Variants in MAGI2 observed in about 807,000 individuals in gnomAD.
MAGI2 encodes the protein membrane associated guanylate kinase, WW and PDZ domain containing 2.
In MAGI2, 35 loss-of-function variants were observed where a neutral mutation model predicts 133.3. The ratio of observed to expected loss-of-function variants is 0.26; its 90% confidence interval spans 0.20 to 0.35. The LOEUF (loss-of-function observed/expected upper bound fraction) is 0.35, where lower values mean the gene tolerates loss of function less well. MAGI2 is among the 10% of genes least tolerant of loss of function. The probability of loss-of-function intolerance (pLI) is 1.00; values close to 1 mark genes in which losing one functional copy is unlikely to be tolerated. For synonymous variants in MAGI2, 729 were observed against 710.6 expected (o/e 1.03, Z -0.41); for missense variants, 1,636 against 1,863.4 (o/e 0.88, Z 2.25).
At chr7:79,012,531 C>T (rs527247437) in intron 1 of MAGI2, among the ~76,000 whole-genome samples, 15 of 152,170 alleles carry the variant, frequency 9.9e-5, no homozygotes, top group African/African-American at 3.1e-4. Flanking sequence ...ATATCTTCTC[C>T]CCTCTTATAT....
At chr7:78,617,407 T>C (rs1284904113) in intron 3 of MAGI2, 2 of 152,124 alleles carry the variant, frequency 1.3e-5, no homozygotes, top group Admixed American at 1.3e-4. Context: ...GCAGCCATCT[T>C]ATGTGGACAA....
At chr7:79,433,900 T>C (rs1847957210) in intron 1 of MAGI2, among the ~76,000 whole-genome samples, 1 of 152,178 alleles carries the variant, frequency 6.6e-6, no homozygotes, top group East Asian at 1.9e-4. Context: ...CAAAAATGTA[T>C]ATTGTGATTT....
At chr7:78,627,322 A>C in intron 2 of MAGI2, 83 bp from the exon 3 acceptor site, 1 of 1,264,882 alleles carries the variant, frequency 7.9e-7, no homozygotes, top group Non-Finnish European at 1.0e-6. Flanking sequence ...ACTTCTGAAT[A>C]TTCAGTGCCA....
intron 6 of MAGI2, among the ~76,000 whole-genome samples, chr7:78,435,994 C>T (rs982793997): frequency 2.0e-5 from 3 of 152,130 alleles, no homozygotes; most frequent in Admixed American, 6.6e-5. Flanking sequence ...CCATTTTGAA[C>T]AAGGTCCTTC....
At chr7:78,665,221 G>A (rs1205834437) in intron 2 of MAGI2, among the ~76,000 whole-genome samples, 1 of 151,910 alleles carries the variant, frequency 6.6e-6, no homozygotes, top group Non-Finnish European at 1.5e-5. Flanking sequence ...TTGATACGTG[G>A]TATCAAATTT....
At chr7:78,936,524 A>G (rs1436060344) in intron 2 of MAGI2, among the ~76,000 whole-genome samples, 1 of 152,024 alleles carries the variant, frequency 6.6e-6, no homozygotes, top group Admixed American at 6.6e-5. Flanking sequence ...TTTTCAACTA[A>G]TATATTTGAA....
chr7:78,559,136 C>CAAAA (rs71085541), intron 3 of MAGI2, among the ~76,000 whole-genome samples: 2 of 54,726 alleles, frequency 3.7e-5, no homozygotes, highest in Non-Finnish European at 6.0e-5. Flanking sequence ...TCTGAATTTC[C>CAAAA]AAAAAAAAAA....
intron 9 of MAGI2, among the ~76,000 whole-genome samples, chr7:78,311,226 C>A (rs554575389): frequency 5.9e-5 from 9 of 152,290 alleles, no homozygotes; most frequent in South Asian, 2.1e-4. Context: ...GAGTGAGAAG[C>A]AATCCCCATG....
intron 1 of MAGI2, among the ~76,000 whole-genome samples, chr7:79,269,820 C>A (rs1393955758): frequency 6.6e-6 from 1 of 152,032 alleles, no homozygotes; most frequent in African/African-American, 2.4e-5. Flanking sequence ...TAAAAAATAA[C>A]CCCCTCCTTG....
At chr7:78,539,482 TTTTG>T (rs1424373311) in intron 3 of MAGI2, among the ~76,000 whole-genome samples, 3 of 143,616 alleles carry the variant, frequency 2.1e-5, no homozygotes, top group Non-Finnish European at 4.7e-5. Context: ...TTTTTTGTTT[TTTTG>T]TTTTTTTGTG....
At chr7:79,174,258 C>A (rs1825884612) in intron 1 of MAGI2, among the ~76,000 whole-genome samples, 1 of 151,782 alleles carries the variant, frequency 6.6e-6, no homozygotes, top group Admixed American at 6.6e-5. Context: ...CTATTTATAT[C>A]CTTGTCTTCT....
At chr7:78,972,153 C>G (rs1415108609) in intron 2 of MAGI2, among the ~76,000 whole-genome samples, 1 of 151,762 alleles carries the variant, frequency 6.6e-6, no homozygotes, top group Non-Finnish European at 1.5e-5. Flanking sequence ...AGTCTGTAAG[C>G]AGGAATATAA....
At chr7:78,684,009 G>C (rs1378114449) in intron 2 of MAGI2, among the ~76,000 whole-genome samples, 1 of 152,148 alleles carries the variant, frequency 6.6e-6, no homozygotes, top group African/African-American at 2.4e-5. Context: ...AGAAGGGGCA[G>C]GTTTCAGAGC....
At chr7:78,070,170 CACACATATATATATATAT>C (rs1419111033) in intron 21 of MAGI2, among the ~76,000 whole-genome samples, 8,427 of 86,830 alleles carry the variant, frequency 0.097, 501 homozygotes, top group African/African-American at 0.19. Context: ...TATACACACA[CACACATATATATATATAT>C]ATATATATAT....
rs181085065 is a variant in MAGI2 at position 79,390,799 on chromosome 7, A to G, written c.301+62221T>C. On this transcript the variant is annotated intron_variant, in intron 1 of 21. Transcript: ENST00000354212. Reference sequence around the variant, plus strand: ...TAGAGAGCAAAAACTTGGGAAGAGCAACATTCAGACTAAGGGATGCATTTC... The same window carrying G: ...TAGAGAGCAAAAACTTGGGAAGAGCGACATTCAGACTAAGGGATGCATTTC... Among the ~76,000 whole-genome samples, 713 of 152,340 alleles carry G rather than the reference A, an allele frequency of 4.7e-3. 2 individuals are homozygous for G. Among genetic ancestry groups the G allele is most frequent in the Non-Finnish European group, 8.1e-3 (550 of 68,020 alleles).
intron 2 of MAGI2, among the ~76,000 whole-genome samples, chr7:78,880,066 G>C (rs1000903428): frequency 2.0e-5 from 3 of 152,022 alleles, no homozygotes; most frequent in African/African-American, 7.2e-5. Context: ...GAGAAATGTG[G>C]GATTAGGTAA....
At chr7:78,670,273 C>T (rs2151070017) in intron 2 of MAGI2, among the ~76,000 whole-genome samples, 1 of 152,136 alleles carries the variant, frequency 6.6e-6, no homozygotes, top group African/African-American at 2.4e-5. Context: ...TCTTATACAC[C>T]AATAACAGAC....
intron 1 of MAGI2, among the ~76,000 whole-genome samples, chr7:79,118,099 C>T (rs1424739550): frequency 1.3e-5 from 2 of 152,160 alleles, no homozygotes; most frequent in Non-Finnish European, 2.9e-5. Flanking sequence ...AGGACATAGC[C>T]ATGAGTACCA....
chr7:78,589,552 T>C (rs1179350656), intron 3 of MAGI2, among the ~76,000 whole-genome samples: 1 of 152,162 alleles, frequency 6.6e-6, no homozygotes, highest in Non-Finnish European at 1.5e-5. Context: ...AGATAATTTG[T>C]TGAATCTGCT....
Sources: allele counts gnomAD v4.1 joint callset (sites outside exome capture counted in the v4.1 genomes callset), GRCh38; gene constraint gnomAD v4.1.1; transcripts MANE v1.5; gene names NCBI Gene and HGNC (gene_info 2026-07-23, HGNC 2026-07-21).